Variants in ALG9 observed in about 807,000 individuals in gnomAD.
The protein encoded by ALG9 is alpha-1,2-mannosyltransferase ALG9.
In ALG9, 55 loss-of-function variants were observed where a neutral mutation model predicts 81.8. The ratio of observed to expected loss-of-function variants is 0.67; its 90% confidence interval spans 0.54 to 0.84. The LOEUF is 0.84. Among genes scored for constraint, ALG9 ranks in the 40% least tolerant of loss-of-function variants. The pLI, the probability that ALG9 is intolerant of heterozygous loss-of-function variation, is 0.00. For missense variants in ALG9, 629 were observed against 745.0 expected (o/e 0.84, Z 1.81); for synonymous variants, 278 against 274.3 (o/e 1.01, Z -0.13).
At chr11:111,768,497 T>G in the ALG9 span, among the ~76,000 whole-genome samples, 1 of 152,156 alleles carries the variant, frequency 6.6e-6, no homozygotes, top group East Asian at 1.9e-4. Flanking sequence ...TGGTAACGCG[T>G]GCCTGTCTTC....
the ALG9 span, among the ~76,000 whole-genome samples, chr11:111,772,145 A>G: frequency 9.3e-3 from 1,414 of 152,260 alleles, 22 homozygotes; most frequent in African/African-American, 0.032. Context: ...CAGCCGGGCA[A>G]GGTGGTGAGG....
intron 14 of ALG9, among the ~76,000 whole-genome samples, chr11:111,804,025 C>T (rs1373027024): frequency 2.0e-5 from 3 of 149,964 alleles, no homozygotes; most frequent in Admixed American, 6.7e-5. Flanking sequence ...CCCAGCTACT[C>T]GGGAGGCTGA....
At chr11:111,841,317 C>T (rs1298681655) in intron 9 of ALG9, among the ~76,000 whole-genome samples, 1 of 152,154 alleles carries the variant, frequency 6.6e-6, no homozygotes, top group Non-Finnish European at 1.5e-5. Flanking sequence ...AAATTCATTA[C>T]TGGTTTTCAT....
rs569807774 is a variant in ALG9 at position 111,867,765 on chromosome 11, C to T, written c.405+837G>A. Among the ~76,000 whole-genome samples the T allele has an allele frequency of 1.2e-4, 19 of 152,284 alleles. No homozygotes were observed. The South Asian group carries it at 3.5e-3, about 28-fold the overall frequency. ...TATGAGATTCTGGATTATTCATGGG[C>T]TCAGCATGCTTTCTTTGCACTGTTG... On this transcript the variant is annotated intron_variant, in intron 3 of 14. Coordinates refer to ENST00000616540, the MANE Select transcript of ALG9 (RefSeq NM_024740.2).
At chr11:111,777,258 G>C (rs1435746367), downstream of ALG9, among the ~76,000 whole-genome samples, 2 of 152,204 alleles carry the variant, frequency 1.3e-5, no homozygotes, top group African/African-American at 4.8e-5. Flanking sequence ...TCACTGCTGT[G>C]ATGGACAATT....
chr11:111,769,304 C>T, the ALG9 span: 1 of 139,238 alleles, frequency 7.2e-6, no homozygotes, highest in Admixed American at 7.3e-5. Flanking sequence ...AAGCAAGACC[C>T]TGTCTCAAAA....
At chr11:111,835,933 T>C (rs1555117046) in intron 13 of ALG9, among the ~76,000 whole-genome samples, 1 of 152,032 alleles carries the variant, frequency 6.6e-6, no homozygotes, top group Non-Finnish European at 1.5e-5. Flanking sequence ...TAATTTTTTG[T>C]AGAAATGTGA....
intron 13 of ALG9, among the ~76,000 whole-genome samples, chr11:111,833,512 T>A (rs1446313658): frequency 6.6e-6 from 1 of 152,024 alleles, no homozygotes; most frequent in Non-Finnish European, 1.5e-5. Flanking sequence ...AAGAAAATAG[T>A]GAAATAAAAA....
intron 8 of ALG9, among the ~76,000 whole-genome samples, chr11:111,852,092 T>C (rs782097768): frequency 2.2e-4 from 34 of 152,206 alleles, no homozygotes; most frequent in Non-Finnish European, 8.8e-5. Flanking sequence ...GTTGGTTCTA[T>C]TGGCAAAATG....
rs1172709594 is a variant in ALG9 at position 111,871,310 on chromosome 11, G to T, written c.131+42C>A. 5.1e-6 allele frequency: 7 copies of T among 1,383,246 alleles called. No individual in the cohort carries two copies. In the Admixed American group the frequency reaches 1.5e-4, roughly 30 times the overall value. The allele number at this position is 1,383,246 out of a possible 1,614,324, so 85.7% of individuals were successfully genotyped here. ...ACCCTCCCGGGGGCAGCCCCGAACCGCCCCGCCGGCCGGCCACGCCCCTGC... is the reference window on the plus strand; with the variant it reads ...ACCCTCCCGGGGGCAGCCCCGAACCTCCCCGCCGGCCGGCCACGCCCCTGC... On this transcript the variant is annotated intron_variant, in intron 1 of 14. Transcript: ENST00000616540.
intron 13 of ALG9, among the ~76,000 whole-genome samples, chr11:111,825,617 C>T (rs782581803): frequency 3.3e-5 from 5 of 152,160 alleles, no homozygotes; most frequent in Non-Finnish European, 5.9e-5. Context: ...GGCTGAAGTA[C>T]GAAGAGTTTT....
At chr11:111,804,132 C>CAAAAAAAAAAAAAAAAAA (rs140492079) in intron 14 of ALG9, among the ~76,000 whole-genome samples, 1 of 85,370 alleles carries the variant, frequency 1.2e-5, no homozygotes, top group Non-Finnish European at 2.3e-5. Context: ...GACTCCATCT[C>CAAAAAAAAAAAAAAAAAA]AAAAAAAAAA....
intron 7 of ALG9, 61 bp downstream of exon 7, chr11:111,853,588 T>A (rs1190029572): frequency 1.3e-6 from 2 of 1,580,080 alleles, no homozygotes; most frequent in Admixed American, 3.3e-5. Context: ...TGTTCCTTTT[T>A]TCACATCAAA....
At chr11:111,850,650 T>C (rs1189055182) in intron 8 of ALG9, among the ~76,000 whole-genome samples, 2 of 132,858 alleles carry the variant, frequency 1.5e-5, no homozygotes, top group African/African-American at 5.9e-5. Context: ...GAGGTTGCAG[T>C]GAGCAGAGAT....
In ALG9 at chr11:111,851,477, CAAAAAAA is replaced by C. The variant is rs11343980; in HGVS notation, c.895+1896_895+1902del. 9.5e-3 allele frequency among the ~76,000 whole-genome samples: 993 copies of C among 105,064 alleles called. 6 individuals are homozygous for C. Among genetic ancestry groups the C allele is most frequent in the Middle Eastern group, 0.071 (15 of 212 alleles). 68.9% of individuals were successfully genotyped at this position (105,064 alleles called of 152,430 possible). ...GGGTGACAAGAGCGAAACTCCATCT[CAAAAAAA>C]AAAAAAAAAAAGAGAGAGAGAGATT... On this transcript the variant is annotated intron_variant, in intron 8 of 14. Transcript: ENST00000616540.
intron 14 of ALG9, among the ~76,000 whole-genome samples, chr11:111,795,028 G>A (rs1210157954): frequency 6.6e-6 from 1 of 152,140 alleles, no homozygotes; most frequent in Non-Finnish European, 1.5e-5. Context: ...TTATTCTAAT[G>A]GTAACTAATG....
the ALG9 span, chr11:111,768,842 C>CGTGCGTGTGTGT: frequency 7.0e-6 from 1 of 143,202 alleles, no homozygotes; most frequent in Non-Finnish European, 1.5e-5. Context: ...TGTGTGTGTG[C>CGTGCGTGTGTGT]GTGTGTGTGT....
chr11:111,820,783 T>C (rs1039431321), intron 13 of ALG9, among the ~76,000 whole-genome samples: 2 of 152,192 alleles, frequency 1.3e-5, no homozygotes, highest in Non-Finnish European at 2.9e-5. Flanking sequence ...TTTTTTACTA[T>C]AAAAAATACA....
intron 3 of ALG9, 25 bp downstream of exon 3, chr11:111,868,577 T>C: frequency 6.2e-7 from 1 of 1,610,564 alleles, no homozygotes; most frequent in Non-Finnish European, 8.5e-7. Flanking sequence ...CAATTGTGAT[T>C]GCTTCCAGGT....
Sources: gnomAD v4.1 joint callset for allele counts (sites outside exome capture counted in the v4.1 genomes callset) on GRCh38, gnomAD v4.1.1 for gene constraint, MANE v1.5 for transcripts, NCBI Gene and HGNC (gene_info 2026-07-23, HGNC 2026-07-21) for gene names.